The following EFL1 variants were observed in gnomAD, a reference collection of about 807,000 sequenced individuals.
The protein encoded by EFL1 is elongation factor-like GTPase 1.
A neutral mutation model predicts 126.7 loss-of-function variants in EFL1; 76 were observed. The ratio of observed to expected loss-of-function variants is 0.60; its 90% CI spans 0.50 to 0.73. The LOEUF is 0.73. Among genes scored for constraint, EFL1 ranks in the 30% least tolerant of loss-of-function variants. The pLI, the probability that EFL1 is intolerant of heterozygous loss-of-function variation, is 0.00. For synonymous variants in EFL1, 410 were observed against 448.4 expected, an observed-to-expected ratio of 0.91 and a Z score of 1.08; for missense variants, 1,128 against 1,343.2, an observed-to-expected ratio of 0.84 and a Z score of 2.50.
intron 15 of EFL1, among the ~76,000 whole-genome samples, chr15:82,175,564 GTTTTAA>G (rs2074186170): frequency 6.6e-6 from 1 of 152,104 alleles, no homozygotes; most frequent in Non-Finnish European, 1.5e-5. Flanking sequence ...GTAGTTATGG[GTTTTAA>G]TTTTATGTTA....
At chr15:82,231,663 GA>G (rs776873349) in intron 7 of EFL1, among the ~76,000 whole-genome samples, 50 of 132,334 alleles carry the variant, frequency 3.8e-4, no homozygotes, top group Admixed American at 5.2e-4. Context: ...GCCTGCTCAG[GA>G]AAAAAAAAAA....
intron 16 of EFL1, among the ~76,000 whole-genome samples, chr15:82,158,281 C>A (rs980606443): frequency 9.9e-5 from 15 of 152,252 alleles, no homozygotes; most frequent in Non-Finnish European, 1.3e-4. Context: ...AGAAACTGTA[C>A]CAGAGCCTCA....
At chr15:82,132,951 G>C (rs1462053926) in intron 19 of EFL1, among the ~76,000 whole-genome samples, 1 of 152,062 alleles carries the variant, frequency 6.6e-6, no homozygotes, top group Non-Finnish European at 1.5e-5. Context: ...CACGATACCA[G>C]TAGGGCTGAG....
intron 19 of EFL1, among the ~76,000 whole-genome samples, chr15:82,132,800 T>C (rs1448743288): frequency 6.6e-6 from 1 of 151,870 alleles, no homozygotes; most frequent in Non-Finnish European, 1.5e-5. Context: ...CTTGGTCATC[T>C]GAGGGGGTTC....
chr15:82,149,871 T>C (rs895217476), intron 18 of EFL1, among the ~76,000 whole-genome samples: 3 of 152,148 alleles, frequency 2.0e-5, no homozygotes, highest in African/African-American at 7.2e-5. Flanking sequence ...ATAGAAGTAT[T>C]CAAATAGTGG....
Position 82,232,310 on chromosome 15 carries a change from G to A in EFL1, c.732-1339C>T, listed in dbSNP as rs558391648. On this transcript the variant is annotated intron_variant, in intron 7 of 19. Coordinates refer to ENST00000268206, the MANE Select transcript of EFL1 (RefSeq NM_024580.6). ...ATGGTTAAAACCAGAGATAATGACTGAGCGATGAATACATGAAACCTGTGA... is the reference window on the plus strand; with the variant it reads ...ATGGTTAAAACCAGAGATAATGACTAAGCGATGAATACATGAAACCTGTGA... Among the ~76,000 whole-genome samples the A allele has an allele frequency of 3.3e-5, 5 of 152,312 alleles. No individual in the cohort carries two copies. The South Asian group carries it at 1.0e-3, about 32-fold the overall frequency.
At chr15:82,226,271 C>T (rs1228494678) in intron 11 of EFL1, among the ~76,000 whole-genome samples, 4 of 152,236 alleles carry the variant, frequency 2.6e-5, no homozygotes, top group South Asian at 4.1e-4. Flanking sequence ...CAGGTTCAAG[C>T]GATCCTCCTG....
At chr15:82,185,920 T>A (rs2074298874) in intron 15 of EFL1, among the ~76,000 whole-genome samples, 1 of 152,216 alleles carries the variant, frequency 6.6e-6, no homozygotes, top group African/African-American at 2.4e-5. Context: ...TCATTCCCAC[T>A]CATTCCTAAC....
At chr15:82,166,909 A>G (rs901932008) in intron 15 of EFL1, among the ~76,000 whole-genome samples, 1 of 152,242 alleles carries the variant, frequency 6.6e-6, no homozygotes, top group African/African-American at 2.4e-5. Flanking sequence ...CACAGAAAGC[A>G]CATTTGCTAA....
intron 4 of EFL1, among the ~76,000 whole-genome samples, chr15:82,245,749 T>C (rs2074966561): frequency 6.6e-6 from 1 of 151,740 alleles, no homozygotes; most frequent in African/African-American, 2.4e-5. Flanking sequence ...CTGGACAACA[T>C]GGTAAGACCA....
At chr15:82,189,491 T>C (rs996162248) in intron 15 of EFL1, among the ~76,000 whole-genome samples, 13 of 152,316 alleles carry the variant, frequency 8.5e-5, no homozygotes, top group Admixed American at 7.8e-4. Context: ...TGACTTCATT[T>C]TCTTTTCTTT....
intron 11 of EFL1, 112 bp downstream of exon 11, chr15:82,227,338 A>G (rs1179822460): frequency 6.6e-7 from 1 of 1,510,846 alleles, no homozygotes; most frequent in African/African-American, 1.4e-5. Flanking sequence ...GGAAGTGGAC[A>G]TTTGGCAAAT....
chr15:82,143,477 C>A (rs2073810430), intron 18 of EFL1, among the ~76,000 whole-genome samples: 1 of 152,130 alleles, frequency 6.6e-6, no homozygotes, highest in Non-Finnish European at 1.5e-5. Flanking sequence ...AACACACATA[C>A]AAATAAATTG....
At chr15:82,188,670 G>C (rs544643463) in intron 15 of EFL1, among the ~76,000 whole-genome samples, 2 of 152,146 alleles carry the variant, frequency 1.3e-5, no homozygotes, top group African/African-American at 4.8e-5. Flanking sequence ...TTAAAACAAT[G>C]TGCCTCTTCC....
At chr15:82,195,355 G>A (rs541069886) in intron 15 of EFL1, among the ~76,000 whole-genome samples, 8 of 152,174 alleles carry the variant, frequency 5.3e-5, no homozygotes, top group Non-Finnish European at 1.2e-4. Context: ...TTTTCAGGCT[G>A]TAAACCGTGC....
At chr15:82,225,991 A>G (rs902883490) in intron 11 of EFL1, among the ~76,000 whole-genome samples, 1 of 152,228 alleles carries the variant, frequency 6.6e-6, no homozygotes, top group Non-Finnish European at 1.5e-5. Context: ...ACAGGAAGTA[A>G]GAATCAAACA....
chr15:82,151,816 C>A lies in EFL1; in HGVS notation c.2638G>T (p.Gly880Cys). Reference protein sequence around the residue: ...VSGFQLATLSGPMCEEPLMGV... With the variant: ...VSGFQLATLSCPMCEEPLMGV... The stretch of plus-strand genomic sequence containing the variant: ...ATGAGAGGCTCCTCACACATGGGGC[C>A]AGAGAGGGTTGCTAGTTGGAAGCCA... Residue 880 changes from glycine (G) to cysteine (C), a missense_variant, in exon 18 of 20, where the codon GGC (glycine) becomes TGC (cysteine). Transcript: ENST00000268206. 6.2e-7 allele frequency: 1 copy of A among 1,614,138 alleles called. No homozygotes were observed. The highest frequency in any genetic ancestry group is 8.5e-7 in the Non-Finnish European group (1 of 1,180,036).
At chr15:82,180,367 A>AAAAAC (rs1418708104) in intron 15 of EFL1, among the ~76,000 whole-genome samples, 1 of 105,514 alleles carries the variant, frequency 9.5e-6, no homozygotes, top group African/African-American at 5.6e-5. Context: ...GGCAAAAAAA[A>AAAAAC]AAAAACAAAA....
intron 15 of EFL1, among the ~76,000 whole-genome samples, chr15:82,202,991 T>C (rs1235633402): frequency 2.0e-5 from 3 of 152,096 alleles, no homozygotes; most frequent in African/African-American, 7.2e-5. Context: ...TTTGCATTTT[T>C]AGTAGAAATG....
Sources: allele counts gnomAD v4.1 joint callset (sites outside exome capture counted in the v4.1 genomes callset), GRCh38; gene constraint gnomAD v4.1.1; transcripts MANE v1.5; gene names NCBI Gene and HGNC (gene_info 2026-07-23, HGNC 2026-07-21).